Variants in FMN1 observed in about 807,000 individuals in gnomAD.
FMN1 encodes the protein formin-1.
In FMN1, 110 loss-of-function variants were observed where a neutral mutation model predicts 132.4. The ratio of observed to expected loss-of-function variants is 0.83; its 90% CI spans 0.71 to 0.97. The LOEUF (loss-of-function observed/expected upper bound fraction) is 0.97. Ranked by LOEUF, FMN1 falls within the 50% of genes least tolerant of loss-of-function variation. FMN1 has a pLI of 0.00. For missense variants in FMN1, 1,792 were observed against 1,705.3 expected (o/e 1.05, Z -0.90); for synonymous variants, 722 against 651.7 (o/e 1.11, Z -1.64).
chr15:33,176,312 C>G (rs1397698838), intron 3 of FMN1, among the ~76,000 whole-genome samples: 1 of 152,076 alleles, frequency 6.6e-6, no homozygotes, highest in Non-Finnish European at 1.5e-5. Context: ...TCGAGACCAG[C>G]CTGGCCAAGA....
At chr15:32,891,254 GTTCT>G (rs1412243098) in intron 15 of FMN1, among the ~76,000 whole-genome samples, 2 of 152,090 alleles carry the variant, frequency 1.3e-5, no homozygotes, top group Non-Finnish European at 2.9e-5. Flanking sequence ...GAGTTTTAGA[GTTCT>G]TTTTCTTGAG....
intron 9 of FMN1, among the ~76,000 whole-genome samples, chr15:32,941,620 G>A (rs1328920897): frequency 6.6e-6 from 1 of 151,998 alleles, no homozygotes; most frequent in African/African-American, 2.4e-5. Flanking sequence ...GTCCTCATAT[G>A]CATATTACCT....
chr15:33,065,393 T>G (rs976870175), intron 5 of FMN1, among the ~76,000 whole-genome samples: 1 of 152,196 alleles, frequency 6.6e-6, no homozygotes, highest in African/African-American at 2.4e-5. Context: ...GGTACAGACA[T>G]AAATGTACTA....
At chr15:33,052,220 G>C (rs889896311) in intron 6 of FMN1, among the ~76,000 whole-genome samples, 1 of 152,130 alleles carries the variant, frequency 6.6e-6, no homozygotes, top group South Asian at 2.1e-4. Context: ...TCTTAGCCTT[G>C]AGATTCTAGT....
intron 12 of FMN1, among the ~76,000 whole-genome samples, chr15:32,904,210 G>C (rs1381437817): frequency 1.3e-5 from 2 of 152,144 alleles, no homozygotes. Context: ...GGACACTCAA[G>C]TGTCATGGGG....
At chr15:32,778,221 T>C (rs2056550830) in intron 19 of FMN1, among the ~76,000 whole-genome samples, 2 of 141,376 alleles carry the variant, frequency 1.4e-5, no homozygotes, top group African/African-American at 5.2e-5. Context: ...TATTATATAA[T>C]ACATTTATTT....
At chr15:33,121,396 A>G (rs1962539064) in intron 4 of FMN1, among the ~76,000 whole-genome samples, 1 of 152,200 alleles carries the variant, frequency 6.6e-6, no homozygotes, top group Non-Finnish European at 1.5e-5. Context: ...GACTGTCTAT[A>G]AATTGAGAGC....
In FMN1 at chr15:32,806,521, G is replaced by T. The variant is rs76313652; in HGVS notation, c.3929-2189C>A. Among the ~76,000 whole-genome samples, 698 of 152,292 alleles carry T rather than the reference G, an allele frequency of 4.6e-3. 32 individuals are homozygous for T. The East Asian group carries it at 0.11, about 23-fold the overall frequency. On this transcript the variant is annotated intron_variant, in intron 17 of 20. Transcript: ENST00000616417. ...GATTTTAAAATGTAAAGGCTCCCCT[G>T]CTCAAAACCTTCCAATGGCTTGTCT...
chr15:32,969,747 A>G (rs1163208443), intron 7 of FMN1, among the ~76,000 whole-genome samples: 1 of 152,220 alleles, frequency 6.6e-6, no homozygotes, highest in East Asian at 1.9e-4. Flanking sequence ...AAGTACATCT[A>G]TTACTTAAGA....
intron 20 of FMN1, 101 bp from the exon 21 acceptor site, chr15:32,774,455 G>A: frequency 1.1e-6 from 1 of 889,442 alleles, no homozygotes; most frequent in South Asian, 1.5e-5. Flanking sequence ...TTCCGGAATT[G>A]TGCCAAATGG....
At chr15:33,102,917 G>A (rs1331446997) in intron 4 of FMN1, among the ~76,000 whole-genome samples, 1 of 151,982 alleles carries the variant, frequency 6.6e-6, no homozygotes, top group Non-Finnish European at 1.5e-5. Context: ...TAAAATAGAT[G>A]TCTCCAGTGG....
At chr15:32,800,295 A>G (rs1039742175) in intron 18 of FMN1, among the ~76,000 whole-genome samples, 4 of 152,208 alleles carry the variant, frequency 2.6e-5, no homozygotes, top group Non-Finnish European at 5.9e-5. Context: ...CCAGTTATTA[A>G]AAGACTGGAA....
chr15:33,131,328 C>CAAAA (rs10710700), intron 4 of FMN1, among the ~76,000 whole-genome samples: 4 of 80,182 alleles, frequency 5.0e-5, no homozygotes, highest in East Asian at 4.3e-4. Context: ...GACTCCATCT[C>CAAAA]AAAAAAAAAA....
intron 4 of FMN1, among the ~76,000 whole-genome samples, chr15:33,090,282 T>C (rs548499655): frequency 2.5e-3 from 387 of 152,276 alleles, no homozygotes; most frequent in Middle Eastern, 0.014. Context: ...GCTTCTACCA[T>C]GCTGAAACCT....
intron 7 of FMN1, among the ~76,000 whole-genome samples, chr15:32,998,593 G>A (rs144896188): frequency 1.2e-4 from 18 of 152,272 alleles, no homozygotes; most frequent in Admixed American, 9.2e-4. Flanking sequence ...AACACTCCCC[G>A]TGGTGCTCTA....
intron 17 of FMN1, among the ~76,000 whole-genome samples, chr15:32,822,941 G>A (rs1455728082): frequency 6.6e-6 from 1 of 151,996 alleles, no homozygotes; most frequent in South Asian, 2.1e-4. Flanking sequence ...TCTGGACACG[G>A]AACCAATCTT....
At chr15:32,862,989 C>T (rs989500457) in intron 16 of FMN1, among the ~76,000 whole-genome samples, 19 of 152,090 alleles carry the variant, frequency 1.2e-4, no homozygotes, top group African/African-American at 2.9e-4. Context: ...CTCAAAGGAC[C>T]GCCATAGAAA....
chr15:32,903,948 A>G (rs1302916798), intron 12 of FMN1, among the ~76,000 whole-genome samples: 2 of 152,178 alleles, frequency 1.3e-5, no homozygotes, highest in African/African-American at 4.8e-5. Flanking sequence ...GGGAGAAAAG[A>G]TCATAATTTT....
intron 7 of FMN1, among the ~76,000 whole-genome samples, chr15:33,001,429 C>T (rs1186832017): frequency 6.6e-6 from 1 of 152,124 alleles, no homozygotes; most frequent in East Asian, 1.9e-4. Flanking sequence ...ATGATTTTGC[C>T]ATTCAAATCT....
Sources: allele counts gnomAD v4.1 joint callset (sites outside exome capture counted in the v4.1 genomes callset), GRCh38; gene constraint gnomAD v4.1.1; transcripts MANE v1.5; gene names NCBI Gene and HGNC (gene_info 2026-07-23, HGNC 2026-07-21).